MCF2L2: variants seen among roughly 807,000 people sequenced by gnomAD.
MCF2L2 encodes probable guanine nucleotide exchange factor MCF2L2.
In MCF2L2, 102 loss-of-function variants were observed where a neutral mutation model predicts 150.2. The observed-to-expected ratio is 0.68, with a 90% CI of 0.58 to 0.80. The LOEUF (loss-of-function observed/expected upper bound fraction) is 0.80. Ranked by LOEUF, MCF2L2 falls within the 30% of genes least tolerant of loss-of-function variation. MCF2L2 has a pLI of 0.00. For missense variants in MCF2L2, 1,256 were observed against 1,372.8 expected (o/e 0.91, Z 1.34); for synonymous variants, 465 against 491.3 (o/e 0.95, Z 0.71).
intron 15 of MCF2L2, among the ~76,000 whole-genome samples, chr3:183,259,521 C>G (rs1366721452): frequency 6.6e-6 from 1 of 152,158 alleles, no homozygotes; most frequent in African/African-American, 2.4e-5. Flanking sequence ...AATATATCTT[C>G]AGATTTTCCC....
At chr3:183,324,243 C>T (rs73884655) in intron 5 of MCF2L2, among the ~76,000 whole-genome samples, 16,305 of 152,146 alleles carry the variant, frequency 0.11, 1,323 homozygotes, top group East Asian at 0.22. Context: ...CTAGCAGTTC[C>T]GCTGATGAGC....
At chr3:183,331,972 T>C (rs1019295703) in intron 5 of MCF2L2, among the ~76,000 whole-genome samples, 6 of 152,342 alleles carry the variant, frequency 3.9e-5, no homozygotes, top group African/African-American at 1.2e-4. Flanking sequence ...TTGACCCACC[T>C]GATTCCTATA....
intron 7 of MCF2L2, among the ~76,000 whole-genome samples, chr3:183,316,286 A>G (rs930000971): frequency 2.8e-5 from 4 of 140,914 alleles, no homozygotes; most frequent in African/African-American, 8.5e-5. Flanking sequence ...AGGATTTTAC[A>G]ATTTCAGTCC....
intron 10 of MCF2L2, among the ~76,000 whole-genome samples, chr3:183,307,087 G>A (rs557690720): frequency 1.3e-5 from 2 of 152,330 alleles, no homozygotes; most frequent in South Asian, 4.1e-4. Flanking sequence ...CATGCGACAG[G>A]AGCCTGGTTA....
At chr3:183,351,228 ATATATATATTTATTTATTTATT>A (rs1305018830) in intron 3 of MCF2L2, among the ~76,000 whole-genome samples, 10 of 87,792 alleles carry the variant, frequency 1.1e-4, no homozygotes, top group African/African-American at 5.6e-4. Context: ...ATATATATAT[ATATATATATTTATTTATTTATT>A]TATCAGAACC....
chr3:183,216,889 G>A (rs1302503958), intron 21 of MCF2L2, among the ~76,000 whole-genome samples: 1 of 151,478 alleles, frequency 6.6e-6, no homozygotes, highest in Admixed American at 6.6e-5. Context: ...ACAGGCGTAA[G>A]CCACTGTGCC....
intron 26 of MCF2L2, among the ~76,000 whole-genome samples, chr3:183,193,813 A>C (rs552712704): frequency 3.9e-5 from 6 of 152,322 alleles, no homozygotes; most frequent in African/African-American, 1.4e-4. Context: ...TGGAGGTCCA[A>C]GAGGAATAAG....
chr3:183,332,032 T>G (rs1730292963), intron 5 of MCF2L2, among the ~76,000 whole-genome samples: 1 of 152,172 alleles, frequency 6.6e-6, no homozygotes, highest in Non-Finnish European at 1.5e-5. Flanking sequence ...AAAATGTAAT[T>G]ATCTAACTAG....
rs893179407 is a variant in MCF2L2, at chr3:183,245,606, G to A, written c.1863-14589C>T. ...CATTAAACACAGAATACAGTCCTGA[G>A]GGCTCGGTCTCAATACAGTCCTGAG... On this transcript the variant is annotated intron_variant, in intron 15 of 29. Coordinates refer to ENST00000328913, the MANE Select transcript of MCF2L2 (RefSeq NM_015078.4). 2.6e-5 allele frequency among the ~76,000 whole-genome samples: 4 copies of A among 152,054 alleles called. No individual in the cohort carries two copies. The South Asian group carries it at 6.2e-4, about 24-fold the overall frequency.
chr3:183,351,557 A>C (rs1374692183), intron 3 of MCF2L2, among the ~76,000 whole-genome samples: 1 of 152,062 alleles, frequency 6.6e-6, no homozygotes, highest in Admixed American at 6.6e-5. Flanking sequence ...AAATCAGGAC[A>C]ATTGGTAACT....
At chr3:183,183,272 C>T (rs1375215900) in intron 27 of MCF2L2, among the ~76,000 whole-genome samples, 5 of 152,242 alleles carry the variant, frequency 3.3e-5, no homozygotes, top group African/African-American at 1.2e-4. Context: ...GCTGGGATTA[C>T]AGATGTGAGC....
In MCF2L2 at chr3:183,191,588, C is replaced by T. The variant is rs542523396; in HGVS notation, c.3016+1411G>A. 2.0e-3 allele frequency among the ~76,000 whole-genome samples: 301 copies of T among 152,258 alleles called. 1 individual carries two copies. The highest frequency in any genetic ancestry group is 7.0e-3 in the African/African-American group (290 of 41,554). ...GCCTTTTTCATCTTAGTGCTGCTGC[C>T]GTAACTTTGGCAGTTTGAGATGCGA... On this transcript the variant is annotated intron_variant, in intron 27 of 29. Coordinates refer to ENST00000328913, the MANE Select transcript of MCF2L2 (RefSeq NM_015078.4).
At chr3:183,185,599 G>A (rs577444389) in intron 27 of MCF2L2, among the ~76,000 whole-genome samples, 1 of 152,338 alleles carries the variant, frequency 6.6e-6, no homozygotes, top group African/African-American at 2.4e-5. Flanking sequence ...TGTGTGTGCT[G>A]CTAACCAATT....
intron 15 of MCF2L2, among the ~76,000 whole-genome samples, chr3:183,258,920 A>G (rs1725330358): frequency 1.3e-5 from 2 of 152,186 alleles, no homozygotes; most frequent in South Asian, 4.1e-4. Context: ...TAGATTACTT[A>G]TAATAACTAA....
intron 27 of MCF2L2, among the ~76,000 whole-genome samples, chr3:183,185,653 T>G (rs1363131566): frequency 6.6e-6 from 1 of 152,210 alleles, no homozygotes; most frequent in East Asian, 1.9e-4. Flanking sequence ...TGTCACATTC[T>G]GTCTGATCCA....
At chr3:183,425,514 C>A (rs1716115979) in intron 1 of MCF2L2, among the ~76,000 whole-genome samples, 1 of 152,138 alleles carries the variant, frequency 6.6e-6, no homozygotes, top group Non-Finnish European at 1.5e-5. Context: ...AAGCATAGAG[C>A]CAATCTACCC....
intron 5 of MCF2L2, among the ~76,000 whole-genome samples, chr3:183,336,539 A>G (rs910400962): frequency 1.3e-5 from 2 of 152,130 alleles, no homozygotes; most frequent in Non-Finnish European, 2.9e-5. Flanking sequence ...TAGACATGTA[A>G]CACCACCCAA....
In MCF2L2 at chr3:183,311,774, T is replaced by A; in HGVS notation, c.754-2A>T. ...CTTTCCAAGTAATTTCAGCTCATCC[T>A]AGAAAATAAAAGTAGTCTCTCTTAG... On this transcript the variant is annotated splice_acceptor_variant, in intron 7 of 29. Coordinates refer to ENST00000328913, the MANE Select transcript of MCF2L2 (RefSeq NM_015078.4). LOFTEE classifies it high-confidence loss of function. 6.2e-7 allele frequency: 1 copy of A among 1,612,900 alleles called. No individual in the cohort carries two copies. The highest frequency in any genetic ancestry group is 8.5e-7 in the Non-Finnish European group (1 of 1,179,644).
intron 10 of MCF2L2, among the ~76,000 whole-genome samples, chr3:183,307,782 A>T (rs1729171042): frequency 6.6e-6 from 1 of 152,246 alleles, no homozygotes; most frequent in South Asian, 2.1e-4. Context: ...TAAAATTCAA[A>T]TCCTCACAAA....
Sources: gnomAD v4.1 joint callset for allele counts (sites outside exome capture counted in the v4.1 genomes callset) on GRCh38, gnomAD v4.1.1 for gene constraint, MANE v1.5 for transcripts, NCBI Gene and HGNC (gene_info 2026-07-23, HGNC 2026-07-21) for gene names.